The following GSG1L variants were observed in gnomAD, a reference collection of about 807,000 sequenced individuals.
GSG1L encodes the protein germ cell-specific gene 1-like protein.
GSG1L carries 24 observed loss-of-function variants against 42.1 expected under a neutral mutation model. That is an observed-to-expected ratio of 0.57 (90% CI 0.41 to 0.80). The LOEUF (loss-of-function observed/expected upper bound fraction) is 0.80, where lower values mean the gene tolerates loss of function less well. GSG1L is among the 30% of genes least tolerant of loss of function. GSG1L has a pLI of 0.00. For missense variants in GSG1L, 445 were observed against 472.2 expected (o/e 0.94, Z 0.53); for synonymous variants, 215 against 203.5 (o/e 1.06, Z -0.48).
chr16:28,034,191 A>G (rs1357599907), intron 1 of GSG1L, among the ~76,000 whole-genome samples: 11 of 115,452 alleles, frequency 9.5e-5, no homozygotes, highest in African/African-American at 3.8e-4. Context: ...TCCCAATGCA[A>G]CTCATCTCAT....
rs1317616207 is a variant in GSG1L at position 27,810,075 on chromosome 16, CT to C, written c.831-2522del. Among the ~76,000 whole-genome samples, 6 of 152,214 alleles carry C rather than the reference CT, an allele frequency of 3.9e-5. No individual in the cohort carries two copies. In the East Asian group the frequency reaches 1.2e-3, roughly 29 times the overall value. ...CATTCACCAGGAACTTCCTGAGGAC[CT>C]TCTCTGTTGGCACCAGATGCTGTGT... On this transcript the variant is annotated intron_variant, in intron 5 of 6. Coordinates refer to ENST00000447459, the MANE Select transcript of GSG1L (RefSeq NM_001109763.2).
chr16:27,894,038 C>T (rs1175038838), intron 2 of GSG1L, among the ~76,000 whole-genome samples: 4 of 152,334 alleles, frequency 2.6e-5, no homozygotes, highest in Non-Finnish European at 5.9e-5. Context: ...TGGGCATGAG[C>T]CACCAACCCT....
chr16:27,957,142 A>C, intron 2 of GSG1L, among the ~76,000 whole-genome samples: 1 of 152,200 alleles, frequency 6.6e-6, no homozygotes, highest in East Asian at 1.9e-4. Flanking sequence ...TGAGGTCAGG[A>C]GGTCGAGATC....
chr16:27,899,304 G>A (rs190219971), intron 2 of GSG1L, among the ~76,000 whole-genome samples: 7 of 152,364 alleles, frequency 4.6e-5, no homozygotes, highest in African/African-American at 1.7e-4. Flanking sequence ...CAGGTCACCT[G>A]CAGGCAAACC....
intron 1 of GSG1L, among the ~76,000 whole-genome samples, chr16:27,995,654 A>T (rs1024775570): frequency 6.6e-6 from 1 of 152,062 alleles, no homozygotes; most frequent in African/African-American, 2.4e-5. Context: ...AAGAGAATGG[A>T]GAGTGGAATT....
intron 2 of GSG1L, among the ~76,000 whole-genome samples, chr16:27,905,319 CTT>C (rs539377057): frequency 2.0e-4 from 27 of 132,588 alleles, no homozygotes; most frequent in East Asian, 4.5e-4. Flanking sequence ...ATGCCAGAAT[CTT>C]TTTTTTTTTT....
intron 2 of GSG1L, among the ~76,000 whole-genome samples, chr16:27,947,428 G>GAAAGAAAGAAAGAA (rs749292101): frequency 7.3e-6 from 1 of 136,794 alleles, no homozygotes; most frequent in African/African-American, 2.7e-5. Flanking sequence ...AAGAAAGAAA[G>GAAAGAAAGAAAGAA]AGAAGGAAGG....
At chr16:27,893,333 C>G (rs2084151428) in intron 2 of GSG1L, among the ~76,000 whole-genome samples, 1 of 152,090 alleles carries the variant, frequency 6.6e-6, no homozygotes, top group East Asian at 1.9e-4. Flanking sequence ...AGAGAGCTTC[C>G]AGGGCCAGAT....
At chr16:28,023,857 T>C (rs2085872292) in intron 1 of GSG1L, among the ~76,000 whole-genome samples, 1 of 151,808 alleles carries the variant, frequency 6.6e-6, no homozygotes, top group Admixed American at 6.6e-5. Context: ...AGACCCCACC[T>C]CTACAAAACA....
At chr16:27,886,639 C>G (rs1159127941) in intron 2 of GSG1L, among the ~76,000 whole-genome samples, 1 of 152,184 alleles carries the variant, frequency 6.6e-6, no homozygotes, top group African/African-American at 2.4e-5. Flanking sequence ...CCCAGGGGCT[C>G]TTGACGAGGT....
At chr16:27,913,521 T>C (rs972961806) in intron 2 of GSG1L, among the ~76,000 whole-genome samples, 1 of 152,174 alleles carries the variant, frequency 6.6e-6, no homozygotes, top group African/African-American at 2.4e-5. Context: ...AAATAATGAT[T>C]TGGGAGATGA....
At chr16:27,901,856 A>G (rs1334002410) in intron 2 of GSG1L, among the ~76,000 whole-genome samples, 1 of 151,604 alleles carries the variant, frequency 6.6e-6, no homozygotes, top group South Asian at 2.1e-4. Context: ...GTCCCTCCAC[A>G]CTCCAGCCTC....
intron 6 of GSG1L, among the ~76,000 whole-genome samples, chr16:27,802,176 T>G (rs754499870): frequency 9.9e-5 from 15 of 152,182 alleles, no homozygotes; most frequent in Non-Finnish European, 1.9e-4. Context: ...GGCTTGGGTC[T>G]GTCTCCCCAA....
At chr16:27,984,977 C>T (rs748527279) in intron 1 of GSG1L, among the ~76,000 whole-genome samples, 4 of 152,058 alleles carry the variant, frequency 2.6e-5, no homozygotes, top group Non-Finnish European at 5.9e-5. Context: ...AGGCTGGTCT[C>T]GAGCTCCTGG....
intron 2 of GSG1L, among the ~76,000 whole-genome samples, chr16:27,940,274 C>T (rs1596630030): frequency 6.6e-6 from 1 of 151,420 alleles, no homozygotes; most frequent in East Asian, 1.9e-4. Flanking sequence ...ACCAGTTCAA[C>T]CATTGTGGAA....
chr16:27,801,328 T>C (rs2082879336), intron 6 of GSG1L, among the ~76,000 whole-genome samples: 1 of 152,166 alleles, frequency 6.6e-6, no homozygotes, highest in African/African-American at 2.4e-5. Context: ...AGCACTGTAT[T>C]TCTAGAAGAA....
At chr16:27,848,580 T>C (rs1404433591) in intron 3 of GSG1L, among the ~76,000 whole-genome samples, 1 of 152,190 alleles carries the variant, frequency 6.6e-6, no homozygotes, top group African/African-American at 2.4e-5. Flanking sequence ...TGGGCGGATG[T>C]CCTGCTCTTA....
chr16:27,863,625 C>T (rs2083681114), intron 3 of GSG1L, among the ~76,000 whole-genome samples: 1 of 152,198 alleles, frequency 6.6e-6, no homozygotes, highest in Admixed American at 6.5e-5. Flanking sequence ...TCACTGATAT[C>T]CCAGAGGTAC....
intron 2 of GSG1L, among the ~76,000 whole-genome samples, chr16:27,947,418 AAGAAAGAAAG>A (rs1234970427): frequency 2.7e-5 from 4 of 148,904 alleles, no homozygotes; most frequent in Non-Finnish European, 4.4e-5. Flanking sequence ...GAAAGAAAGA[AAGAAAGAAAG>A]AGAAGGAAGG....
Sources: gnomAD v4.1 joint callset for allele counts (sites outside exome capture counted in the v4.1 genomes callset) on GRCh38, gnomAD v4.1.1 for gene constraint, MANE v1.5 for transcripts, NCBI Gene and HGNC (gene_info 2026-07-23, HGNC 2026-07-21) for gene names.